The following GRID2 variants were observed in gnomAD, a reference collection of about 807,000 sequenced individuals.
GRID2 encodes glutamate receptor ionotropic, delta-2.
In GRID2, 33 loss-of-function variants were observed where a neutral mutation model predicts 114.8. The observed-to-expected ratio is 0.29, with a 90% CI of 0.22 to 0.38. The LOEUF is 0.38. Ranked by LOEUF, GRID2 falls within the 10% of genes least tolerant of loss-of-function variation. The pLI is 1.00. For missense variants in GRID2, 1,184 were observed against 1,257.7 expected, an observed-to-expected ratio of 0.94 and a Z score of 0.89; for synonymous variants, 505 against 449.9, an observed-to-expected ratio of 1.12 and a Z score of -1.55.
intron 8 of GRID2, among the ~76,000 whole-genome samples, chr4:93,274,584 G>GA (rs1252206430): frequency 6.6e-6 from 1 of 152,034 alleles, no homozygotes; most frequent in Non-Finnish European, 1.5e-5. Context: ...GGTACAATAT[G>GA]AAAAATGCTC....
At chr4:92,363,515 T>A (rs192478894) in intron 1 of GRID2, among the ~76,000 whole-genome samples, 1 of 152,038 alleles carries the variant, frequency 6.6e-6, no homozygotes, top group Admixed American at 6.6e-5. Context: ...TCTTCAAAAT[T>A]GATACACAAT....
intron 1 of GRID2, chr4:93,806,692 C>G (rs1735040595): frequency 1.3e-5 from 2 of 152,202 alleles, no homozygotes. Flanking sequence ...CTTGATGTGA[C>G]CTTATGCTTT....
At chr4:93,099,792 A>G (rs1255835731) in intron 3 of GRID2, among the ~76,000 whole-genome samples, 1 of 151,892 alleles carries the variant, frequency 6.6e-6, no homozygotes, top group African/African-American at 2.4e-5. Context: ...TTCTTTTGAA[A>G]TGAGCATTGA....
At chr4:92,511,138 T>C (rs1724225245) in intron 1 of GRID2, among the ~76,000 whole-genome samples, 2 of 151,800 alleles carry the variant, frequency 1.3e-5, no homozygotes, top group Admixed American at 6.6e-5. Context: ...ACAGGAAGCA[T>C]AATGCTGACA....
chr4:93,345,326 T>C (rs1244165884), intron 8 of GRID2, among the ~76,000 whole-genome samples: 1 of 152,038 alleles, frequency 6.6e-6, no homozygotes, highest in Non-Finnish European at 1.5e-5. Flanking sequence ...TTGTTATCTT[T>C]AGTAGTAGCC....
At chr4:92,743,052 A>G (rs113352402) in intron 2 of GRID2, among the ~76,000 whole-genome samples, 1,987 of 152,274 alleles carry the variant, frequency 0.013, 41 homozygotes, top group African/African-American at 0.044. Flanking sequence ...TGAGGCAGGA[A>G]GATCACTTGA....
chr4:92,659,927 T>G (rs964916522), intron 2 of GRID2, among the ~76,000 whole-genome samples: 60 of 151,488 alleles, frequency 4.0e-4, no homozygotes, highest in African/African-American at 1.5e-3. Flanking sequence ...ATCTGTTAGA[T>G]AGATGCACAT....
At chr4:92,997,202 A>C (rs1755254988) in intron 2 of GRID2, among the ~76,000 whole-genome samples, 1 of 152,194 alleles carries the variant, frequency 6.6e-6, no homozygotes, top group Non-Finnish European at 1.5e-5. Context: ...CAAAATCATT[A>C]TGTGTCAAGG....
intron 2 of GRID2, among the ~76,000 whole-genome samples, chr4:92,879,470 G>C (rs1399289850): frequency 6.6e-6 from 1 of 152,218 alleles, no homozygotes; most frequent in Non-Finnish European, 1.5e-5. Context: ...GTATAGCCAG[G>C]TGGACTAGTA....
intron 11 of GRID2, among the ~76,000 whole-genome samples, chr4:93,469,516 A>C (rs958362749): frequency 6.6e-6 from 1 of 152,016 alleles, no homozygotes. Flanking sequence ...ATCTGCTAAC[A>C]TTCATAATAG....
At chr4:93,632,714 C>T (rs1721035498) in intron 14 of GRID2, among the ~76,000 whole-genome samples, 1 of 151,964 alleles carries the variant, frequency 6.6e-6, no homozygotes, top group African/African-American at 2.4e-5. Context: ...TTTTTTGGTT[C>T]CATATGAACT....
chr4:92,514,267 G>A (rs1036103142), intron 1 of GRID2, among the ~76,000 whole-genome samples: 2 of 151,714 alleles, frequency 1.3e-5, no homozygotes, highest in African/African-American at 4.8e-5. Context: ...TGATAGTACA[G>A]CTTATTTTAT....
intron 1 of GRID2, among the ~76,000 whole-genome samples, chr4:92,335,101 CA>C (rs1181394058): frequency 3.3e-5 from 5 of 152,190 alleles, no homozygotes; most frequent in African/African-American, 1.2e-4. Flanking sequence ...TGGAAAGGGT[CA>C]CATTCCTTGT....
At chr4:92,330,302 G>T (rs899473879) in intron 1 of GRID2, among the ~76,000 whole-genome samples, 2 of 152,102 alleles carry the variant, frequency 1.3e-5, no homozygotes, top group African/African-American at 4.8e-5. Context: ...AGGATCTGCT[G>T]TTCCTCTTCA....
chr4:93,778,398 T>A (rs1212470550), downstream of GRID2, among the ~76,000 whole-genome samples: 1 of 144,274 alleles, frequency 6.9e-6, no homozygotes, highest in Admixed American at 6.9e-5. Context: ...TTTGGCTTTT[T>A]TTTTTTTTTT....
intron 13 of GRID2, among the ~76,000 whole-genome samples, chr4:93,528,291 A>G (rs568022002): frequency 6.6e-6 from 1 of 152,128 alleles, no homozygotes; most frequent in Non-Finnish European, 1.5e-5. Flanking sequence ...TTGGGTATAT[A>G]TCCAGAAGTG....
chr4:93,468,319 C>T (rs1333744308), intron 11 of GRID2, among the ~76,000 whole-genome samples: 1 of 151,996 alleles, frequency 6.6e-6, no homozygotes, highest in Admixed American at 6.6e-5. Flanking sequence ...TTCATGCCTT[C>T]ATGGAGCTCA....
At chr4:92,549,342 C>A (rs183494797) in intron 1 of GRID2, among the ~76,000 whole-genome samples, 1 of 152,114 alleles carries the variant, frequency 6.6e-6, no homozygotes, top group South Asian at 2.1e-4. Flanking sequence ...CCCTCAGGGA[C>A]TATATACCAC....
chr4:93,430,406 C>A (rs187929606), intron 10 of GRID2, among the ~76,000 whole-genome samples: 2 of 152,294 alleles, frequency 1.3e-5, no homozygotes, highest in Non-Finnish European at 2.9e-5. Flanking sequence ...GTCCTGAACT[C>A]CTGACCTCAG....
Sources: gnomAD v4.1 joint callset for allele counts (sites outside exome capture counted in the v4.1 genomes callset) on GRCh38, gnomAD v4.1.1 for gene constraint, MANE v1.5 for transcripts, NCBI Gene and HGNC (gene_info 2026-07-23, HGNC 2026-07-21) for gene names.